Variants in FBXW4 observed in about 807,000 individuals in gnomAD.
The protein encoded by FBXW4 is F-box and WD repeat domain containing 4, also known as F-box/WD repeat-containing protein 4.
A neutral mutation model predicts 61.8 loss-of-function variants in FBXW4; 40 were observed. The observed-to-expected ratio is 0.65, with a 90% CI of 0.50 to 0.84. The LOEUF is 0.84. Among genes scored for constraint, FBXW4 ranks in the 40% least tolerant of loss-of-function variants. The pLI, the probability that FBXW4 is intolerant of heterozygous loss-of-function variation, is 0.00. For missense variants in FBXW4, 672 were observed against 753.8 expected (o/e 0.89, Z 1.27); for synonymous variants, 311 against 313.8 (o/e 0.99, Z 0.10).
chr10:101,618,497 G>A (rs149645692), intron 6 of FBXW4, among the ~76,000 whole-genome samples: 66 of 152,316 alleles, frequency 4.3e-4, no homozygotes, highest in African/African-American at 1.5e-3. Context: ...AGCCTATTCT[G>A]CCCCTGCCTT....
chr10:101,631,832 T>G (rs904990920), intron 5 of FBXW4, among the ~76,000 whole-genome samples: 3 of 152,186 alleles, frequency 2.0e-5, no homozygotes, highest in Admixed American at 1.3e-4. Context: ...TTTCGCCGTG[T>G]TAGCCAGGAT....
At chr10:101,674,833 GAAGA>G (rs955678434) in intron 2 of FBXW4, among the ~76,000 whole-genome samples, 6 of 152,242 alleles carry the variant, frequency 3.9e-5, no homozygotes, top group African/African-American at 1.4e-4. Context: ...TGAGACTTAA[GAAGA>G]AAGAAGACTG....
chr10:101,639,115 T>C (rs549036814), intron 5 of FBXW4, among the ~76,000 whole-genome samples: 1 of 152,308 alleles, frequency 6.6e-6, no homozygotes, highest in South Asian at 2.1e-4. Context: ...ATCATGCAGC[T>C]TGCTAATCAT....
chr10:101,668,043 C>G (rs1238132114), intron 4 of FBXW4, 63 bp from the exon 5 acceptor site: 1 of 1,281,022 alleles, frequency 7.8e-7, no homozygotes, highest in African/African-American at 1.5e-5. Context: ...AGGAGAGGTG[C>G]TCCGGGAGAG....
intron 6 of FBXW4, among the ~76,000 whole-genome samples, chr10:101,622,546 T>C (rs891242780): frequency 4.0e-5 from 6 of 151,468 alleles, no homozygotes; most frequent in African/African-American, 1.5e-4. Context: ...GCTAACACAG[T>C]GAAATCCTGT....
At chr10:101,688,124 T>C (rs570330808) in intron 1 of FBXW4, among the ~76,000 whole-genome samples, 2 of 152,352 alleles carry the variant, frequency 1.3e-5, no homozygotes, top group South Asian at 2.1e-4. Context: ...ACCCCAAATG[T>C]CTTTTCCATC....
rs2064663761 is a variant in FBXW4 at position 101,695,165 on chromosome 10, C to T, written c.-60G>A. 1 of 985,374 alleles carries T rather than the reference C, an allele frequency of 1.0e-6. No homozygotes were observed. The highest frequency in any genetic ancestry group is 6.2e-5 in the Admixed American group (1 of 16,252). The allele number at this position is 985,374 out of a possible 1,614,324, so 61.0% of individuals were successfully genotyped here. A position where few individuals can be genotyped will look rare whatever the true frequency, so the allele number is the denominator to read the frequency against. The stretch of plus-strand genomic sequence containing the variant: ...GCCCGAGCCGCCACCGCCGCCGCCC[C>T]GGGAGGAGGCGACACCATGTCGGAC... On this transcript the variant is annotated 5_prime_UTR_variant, in exon 1 of 9. Transcript: ENST00000331272. This position sits in a 1 kb window ranked among gnomAD's most constrained non-coding sequence, Gnocchi z 4.2.
At chr10:101,638,151 C>T (rs1056809099) in intron 5 of FBXW4, among the ~76,000 whole-genome samples, 1 of 152,264 alleles carries the variant, frequency 6.6e-6, no homozygotes, top group Middle Eastern at 3.4e-3. Flanking sequence ...TAGGCAAGTA[C>T]ACAGATGTTT....
At chr10:101,653,601 C>T (rs1564915419) in intron 5 of FBXW4, among the ~76,000 whole-genome samples, 1 of 152,222 alleles carries the variant, frequency 6.6e-6, no homozygotes, top group Non-Finnish European at 1.5e-5. Flanking sequence ...ATCCATGAAG[C>T]TCTTCTGACT....
At chr10:101,690,404 A>G (rs1323962889) in intron 1 of FBXW4, among the ~76,000 whole-genome samples, 1 of 152,212 alleles carries the variant, frequency 6.6e-6, no homozygotes, top group East Asian at 1.9e-4. Context: ...GCTTCATAAA[A>G]TCTCCAAACA....
chr10:101,640,049 C>T lies in FBXW4; in HGVS notation c.1236-15239G>A, dbSNP rs377442671. ...TCCTCACTGAGAGATGAGCAAAGGG[C>T]TTTGCCAGGCCTCTACTGGACACCT... On this transcript the variant is annotated intron_variant, in intron 5 of 8. Transcript: ENST00000331272. Among the ~76,000 whole-genome samples the T allele has an allele frequency of 1.5e-3, 229 of 152,314 alleles. 5 individuals are homozygous for T. In the South Asian group the frequency reaches 0.044, roughly 30 times the overall value.
rs148887425 is a variant in FBXW4, at chr10:101,662,073, C to T, written c.1235+5813G>A. Among the ~76,000 whole-genome samples, 89 of 152,318 alleles carry T rather than the reference C, an allele frequency of 5.8e-4. 1 individual carries two copies. In the East Asian group the frequency reaches 0.017, roughly 28 times the overall value. On this transcript the variant is annotated intron_variant, in intron 5 of 8. Coordinates refer to ENST00000331272, the MANE Select transcript of FBXW4 (RefSeq NM_022039.4). ...GGCCAAAGGACTGCAGCACCACTGG[C>T]AACCAAAAGAATCTGAACTGCAAGT...
intron 1 of FBXW4, among the ~76,000 whole-genome samples, chr10:101,677,614 G>T (rs763340084): frequency 6.6e-6 from 1 of 152,012 alleles, no homozygotes; most frequent in South Asian, 2.1e-4. Flanking sequence ...AAGTTTATAT[G>T]CATTTGTCAG....
rs1360010408 is a variant in FBXW4 at position 101,694,013 on chromosome 10, A to T, written c.725+368T>A. Among the ~76,000 whole-genome samples, 2 of 152,220 alleles carry T rather than the reference A, an allele frequency of 1.3e-5. No individual in the cohort carries two copies. Among genetic ancestry groups the T allele is most frequent in the Non-Finnish European group, 2.9e-5 (2 of 68,034 alleles). On this transcript the variant is annotated intron_variant, in intron 1 of 8. Coordinates refer to ENST00000331272, the MANE Select transcript of FBXW4 (RefSeq NM_022039.4). This position sits in a 1 kb window ranked among gnomAD's most constrained non-coding sequence, Gnocchi z 6.0. ...TGAGTCCTAGACCTGGACTCAAGGA[A>T]TCGTCCAAAGCACCGTACCAGACTG...
intron 5 of FBXW4, among the ~76,000 whole-genome samples, chr10:101,643,310 G>A: frequency 6.6e-6 from 1 of 152,220 alleles, no homozygotes; most frequent in East Asian, 1.9e-4. Context: ...GTCCAAGGTG[G>A]AAAGCTGTGC....
intron 1 of FBXW4, 104 bp from the exon 2 acceptor site, chr10:101,676,540 A>C: frequency 1.2e-6 from 1 of 838,074 alleles, no homozygotes; most frequent in East Asian, 2.5e-5. Flanking sequence ...CCAGAATACA[A>C]GTAAAGAGAT....
chr10:101,628,764 C>T (rs1054338481), intron 5 of FBXW4, among the ~76,000 whole-genome samples: 1 of 152,204 alleles, frequency 6.6e-6, no homozygotes, highest in Non-Finnish European at 1.5e-5. Context: ...CACACACAGT[C>T]AGGCACACTC....
intron 5 of FBXW4, among the ~76,000 whole-genome samples, chr10:101,642,386 A>AT (rs11287325): frequency 5.4e-5 from 8 of 147,144 alleles, no homozygotes; most frequent in African/African-American, 1.0e-4. Flanking sequence ...CCCTATCTCT[A>AT]TTTTTTTTTT....
intron 1 of FBXW4, among the ~76,000 whole-genome samples, chr10:101,685,102 C>T (rs958118538): frequency 6.6e-6 from 1 of 152,170 alleles, no homozygotes; most frequent in Non-Finnish European, 1.5e-5. Context: ...ACCTATACTG[C>T]CAGCCCCAGC....
Sources: allele counts gnomAD v4.1 joint callset (sites outside exome capture counted in the v4.1 genomes callset), GRCh38; gene constraint gnomAD v4.1.1; non-coding constraint Gnocchi (gnomAD v3.1); transcripts MANE v1.5; gene names NCBI Gene and HGNC (gene_info 2026-07-23, HGNC 2026-07-21).